Variants in SOX6 observed in about 807,000 individuals in gnomAD.
SOX6 encodes SRY-box transcription factor 6, also known as transcription factor SOX-6.
SOX6 carries 11 observed loss-of-function variants against 97.8 expected under a neutral mutation model. The observed-to-expected ratio is 0.11, with a 90% confidence interval of 0.07 to 0.19. The LOEUF (loss-of-function observed/expected upper bound fraction) is 0.19. SOX6 is among the 10% of genes least tolerant of loss of function. The pLI, the probability that SOX6 is intolerant of heterozygous loss-of-function variation, is 1.00. For synonymous variants in SOX6, 360 were observed against 371.4 expected, an observed-to-expected ratio of 0.97 and a Z score of 0.35; for missense variants, 810 against 1,039.5, an observed-to-expected ratio of 0.78 and a Z score of 3.04.
At chr11:16,672,346 A>G (rs1294565346) in intron 3 of SOX6, among the ~76,000 whole-genome samples, 1 of 152,242 alleles carries the variant, frequency 6.6e-6, no homozygotes, top group Non-Finnish European at 1.5e-5. Context: ...TAAAAGGCCC[A>G]GAGTGGAAAG....
intron 6 of SOX6, among the ~76,000 whole-genome samples, chr11:16,181,779 AT>A (rs1218908401): frequency 1.3e-5 from 2 of 151,668 alleles, no homozygotes; most frequent in African/African-American, 4.8e-5. Context: ...GCTTTCTCTT[AT>A]TTTTTAAAAA....
intron 3 of SOX6, among the ~76,000 whole-genome samples, chr11:16,615,914 G>A (rs1333293423): frequency 6.6e-6 from 1 of 152,084 alleles, no homozygotes; most frequent in Non-Finnish European, 1.5e-5. Flanking sequence ...ACACAAGTAA[G>A]TATGATTATC....
At chr11:16,406,267 T>C (rs1017626223) in intron 1 of SOX6, among the ~76,000 whole-genome samples, 1 of 152,024 alleles carries the variant, frequency 6.6e-6, no homozygotes, top group Non-Finnish European at 1.5e-5. Context: ...TGTGGACTTG[T>C]TTGAAAAGGA....
intron 6 of SOX6, among the ~76,000 whole-genome samples, chr11:16,178,629 G>A (rs146595673): frequency 1.3e-5 from 2 of 151,998 alleles, no homozygotes; most frequent in East Asian, 1.9e-4. Context: ...TTGCAAGGGA[G>A]TATCATATGT....
At chr11:16,242,448 T>C (rs1853222345) in intron 3 of SOX6, among the ~76,000 whole-genome samples, 1 of 151,934 alleles carries the variant, frequency 6.6e-6, no homozygotes, top group Non-Finnish European at 1.5e-5. Flanking sequence ...TGTATCCTCA[T>C]TGTGAAGCGA....
chr11:16,055,656 G>T (rs1590164527), intron 10 of SOX6, 96 bp downstream of exon 10: 1 of 1,490,980 alleles, frequency 6.7e-7, no homozygotes, highest in Non-Finnish European at 9.3e-7. Flanking sequence ...ATGTTGCTAT[G>T]TTTCCTGCTG....
chr11:16,699,568 T>C (rs529112109), intron 3 of SOX6, among the ~76,000 whole-genome samples: 52 of 152,312 alleles, frequency 3.4e-4, no homozygotes, highest in East Asian at 7.7e-4. Flanking sequence ...CATTTTGAAG[T>C]CTAATATACA....
At chr11:15,998,004 CG>C (rs1453333549) in intron 13 of SOX6, among the ~76,000 whole-genome samples, 11 of 151,542 alleles carry the variant, frequency 7.3e-5, no homozygotes, top group Non-Finnish European at 5.9e-5. Context: ...GTCTTGAACC[CG>C]GGAGGCAGAG....
In SOX6 at chr11:15,989,160, A is replaced by G. The variant is rs1473673019; in HGVS notation, c.1803T>C (p.Thr601=). The G allele has an allele frequency of 6.2e-7, 1 of 1,614,150 alleles. No individual in the cohort carries two copies. Among genetic ancestry groups the G allele is most frequent in the Non-Finnish European group, 8.5e-7 (1 of 1,179,972 alleles). ...QYYCWPTGGA[T]VAEARVYRDA... ...CCCTGTAGACTCGTGCTTCAGCCAC[A>G]GTGGCACCTCCTGTTGGCCAACAAT... is the stretch of plus-strand genomic sequence containing the variant. Residue 601 remains threonine (T), a synonymous_variant, in exon 14 of 16, where the codon ACT becomes ACC. Transcript: ENST00000683767.
chr11:16,049,655 T>C (rs1472261790), intron 11 of SOX6, 100 bp downstream of exon 11: 1 of 1,373,888 alleles, frequency 7.3e-7, no homozygotes, highest in African/African-American at 1.5e-5. Context: ...TATCTTTTAC[T>C]AAGGAGCACT....
At chr11:16,393,234 T>C (rs1246071047) in intron 1 of SOX6, among the ~76,000 whole-genome samples, 1 of 152,048 alleles carries the variant, frequency 6.6e-6, no homozygotes, top group African/African-American at 2.4e-5. Flanking sequence ...CTTCATTCTT[T>C]TAACCTAAGG....
chr11:16,503,330 C>A (rs1039440055), intron 4 of SOX6, among the ~76,000 whole-genome samples: 2 of 150,218 alleles, frequency 1.3e-5, no homozygotes, highest in Non-Finnish European at 3.0e-5. Context: ...AATGTTACCA[C>A]TACAGAAAAT....
In SOX6 at chr11:16,537,531, C is replaced by CT. The variant is rs200566434; in HGVS notation, n.610-61144dup. Among the ~76,000 whole-genome samples, 396 of 152,164 alleles carry CT rather than the reference C, an allele frequency of 2.6e-3. 13 individuals are homozygous for CT. In the East Asian group the frequency reaches 0.067, roughly 26 times the overall value. ...GTCGGTAACAACAAACTTCTCTGAG[C>CT]TAAAGGAGCATGTTCTAACCCATCG... On this transcript the variant is annotated intron_variant and non_coding_transcript_variant, in intron 4 of 5. Coordinates refer to the SOX6 transcript ENST00000524520.
intron 13 of SOX6, among the ~76,000 whole-genome samples, chr11:15,990,728 C>A (rs1854024576): frequency 6.6e-6 from 1 of 152,138 alleles, no homozygotes; most frequent in Admixed American, 6.5e-5. Flanking sequence ...AGACTGATAG[C>A]CTCAGACAAG....
At chr11:16,280,077 C>T (rs1854510040) in intron 3 of SOX6, among the ~76,000 whole-genome samples, 1 of 151,926 alleles carries the variant, frequency 6.6e-6, no homozygotes, top group African/African-American at 2.4e-5. Context: ...CAAAAAAGGC[C>T]ATTTCTTTCT....
chr11:16,288,855 A>G (rs1203891478), intron 3 of SOX6, among the ~76,000 whole-genome samples: 2 of 151,964 alleles, frequency 1.3e-5, no homozygotes, highest in East Asian at 3.8e-4. Flanking sequence ...TCTCAAACCT[A>G]TTTCTTAGTC....
intron 3 of SOX6, among the ~76,000 whole-genome samples, chr11:16,296,885 C>T (rs1156598797): frequency 3.3e-5 from 5 of 152,060 alleles, no homozygotes; most frequent in Admixed American, 3.3e-4. Flanking sequence ...ATAGTGGAAT[C>T]TTCAGAGGAT....
At chr11:16,236,634 G>C (rs1853033912) in intron 3 of SOX6, among the ~76,000 whole-genome samples, 1 of 151,876 alleles carries the variant, frequency 6.6e-6, no homozygotes, top group Admixed American at 6.6e-5. Context: ...AGTAGTCAAA[G>C]ATAAAAGCCC....
At position 16,015,040 on chromosome 11, in the gene SOX6, C is replaced by A. The variant is rs148323217; in HGVS notation, c.1634G>T (p.Arg545Leu). 1.2e-5 allele frequency: 20 copies of A among 1,612,682 alleles called. No individual in the cohort carries two copies. Among genetic ancestry groups the A allele is most frequent in the Non-Finnish European group, 1.7e-5 (20 of 1,179,170 alleles). Residue 545 changes from arginine (R) to leucine (L), a missense_variant, in exon 13 of 16, where the codon CGC becomes CTC. By Grantham distance (102) the Arg-to-Leu change is moderately radical (BLOSUM62 -2). Coordinates refer to ENST00000683767, the MANE Select transcript of SOX6 (RefSeq NM_001367873.1). ...TAACTGGGGCCCCAAATTCTCAAAGCGCGTTCTTTCCTAGAGGAACAAATA... is the reference window on the plus strand; with the variant it reads ...TAACTGGGGCCCCAAATTCTCAAAGAGCGTTCTTTCCTAGAGGAACAAATA... ...NSCRNEKERT[R>L]FENLGPQLTG...
Sources: allele counts gnomAD v4.1 joint callset (sites outside exome capture counted in the v4.1 genomes callset), GRCh38; gene constraint gnomAD v4.1.1; transcripts MANE v1.5; gene names NCBI Gene and HGNC (gene_info 2026-07-23, HGNC 2026-07-21).